Variants in TEKTIP1 observed in about 807,000 individuals in gnomAD.
The protein encoded by TEKTIP1 is tektin bundle-interacting protein 1.
the TEKTIP1 span, chr19:3,539,870 A>G: frequency 6.6e-6 from 1 of 152,386 alleles, no homozygotes; most frequent in Non-Finnish European, 1.5e-5. Context: ...AGTGTCTATT[A>G]TCAATTGTTT....
the TEKTIP1 span, chr19:3,542,036 C>T: frequency 1.5e-6 from 1 of 671,208 alleles, no homozygotes; most frequent in Non-Finnish European, 1.8e-6. Flanking sequence ...TCTCGAACTC[C>T]TGACCTCAGG....
At chr19:3,539,640 C>T in the TEKTIP1 span, 1 of 222,844 alleles carries the variant, frequency 4.5e-6, no homozygotes, top group South Asian at 1.4e-4. Context: ...CAACCCCAGG[C>T]ACTCCTTGGC....
At chr19:3,539,793 C>T in the TEKTIP1 span, 1 of 154,926 alleles carries the variant, frequency 6.5e-6, no homozygotes. Flanking sequence ...AAACCATTTC[C>T]AAACAAGGCC....
chr19:3,543,183 A>G, the TEKTIP1 span: 4 of 1,527,122 alleles, frequency 2.6e-6, no homozygotes, highest in Non-Finnish European at 3.5e-6. Context: ...CAAAGGGGTC[A>G]AAGCACTCGC....
At chr19:3,541,752 TG>T in the TEKTIP1 span, 1 of 985,324 alleles carries the variant, frequency 1.0e-6, no homozygotes, top group Non-Finnish European at 1.2e-6. Context: ...GAGTGGCAGG[TG>T]GGTACGGGGC....
At chr19:3,539,216 C>CCCCTCGGGGA in the TEKTIP1 span, 4,547 of 1,550,674 alleles carry the variant, frequency 2.9e-3, 117 homozygotes, top group African/African-American at 0.056. Flanking sequence ...GGCCCTGTAT[C>CCCCTCGGGGA]CCCTCGGGGA....
the TEKTIP1 span, chr19:3,543,942 G>A: frequency 1.3e-6 from 2 of 1,551,112 alleles, no homozygotes; most frequent in South Asian, 1.2e-5. Flanking sequence ...CCGGGAGTGG[G>A]TCCTGGAACC....
At chr19:3,539,922 G>A in the TEKTIP1 span, 2 of 152,130 alleles carry the variant, frequency 1.3e-5, no homozygotes, top group Admixed American at 6.6e-5. Context: ...AAAGAAGAGT[G>A]AAAGCCCTTT....
chr19:3,543,079 G>T, the TEKTIP1 span: 2 of 1,580,456 alleles, frequency 1.3e-6, no homozygotes, highest in South Asian at 2.3e-5. Flanking sequence ...CTGGGGTGAG[G>T]GGTACAGGGC....
chr19:3,543,483 C>CCG, the TEKTIP1 span: 2 of 1,500,448 alleles, frequency 1.3e-6, no homozygotes, highest in African/African-American at 2.8e-5. Context: ...GGTGAGTGCC[C>CCG]CCCCCCCCGC....
chr19:3,542,467 T>TTGAG, the TEKTIP1 span: 1 of 985,100 alleles, frequency 1.0e-6, no homozygotes, highest in African/African-American at 1.7e-5. Context: ...TAAAACATCT[T>TTGAG]TGAGTCTCTT....
At chr19:3,541,666 G>A in the TEKTIP1 span, 1 of 985,164 alleles carries the variant, frequency 1.0e-6, no homozygotes, top group African/African-American at 1.7e-5. Flanking sequence ...TGCAGTGAAT[G>A]GGCTCCCGCA....
At chr19:3,541,202 G>A in the TEKTIP1 span, among the ~76,000 whole-genome samples, 4 of 149,212 alleles carry the variant, frequency 2.7e-5, no homozygotes, top group East Asian at 2.0e-4. Context: ...CAGGCATGGC[G>A]GCACGTGCCT....
At chr19:3,543,871 C>A in the TEKTIP1 span, 1 of 1,549,584 alleles carries the variant, frequency 6.5e-7, no homozygotes, top group South Asian at 1.2e-5. Flanking sequence ...CTGTGGAGGG[C>A]ATCAGACTAC....
chr19:3,539,498 G>C, the TEKTIP1 span: 1 of 527,704 alleles, frequency 1.9e-6, no homozygotes, highest in Non-Finnish European at 3.4e-6. Context: ...CCGTCTCCAA[G>C]GACTGCAAAC....
At chr19:3,541,370 T>A in the TEKTIP1 span, among the ~76,000 whole-genome samples, 1 of 150,644 alleles carries the variant, frequency 6.6e-6, no homozygotes, top group Non-Finnish European at 1.5e-5. Context: ...TTGCCCAGGC[T>A]GGAGTGCAGT....
chr19:3,543,145 TC>T, the TEKTIP1 span: 1 of 1,513,026 alleles, frequency 6.6e-7, no homozygotes, highest in South Asian at 1.3e-5. Flanking sequence ...GGGCCAGGCC[TC>T]TACATCATCC....
the TEKTIP1 span, chr19:3,539,291 C>G: frequency 7.2e-7 from 1 of 1,390,360 alleles, no homozygotes; most frequent in Non-Finnish European, 9.9e-7. Context: ...GAGCCCCTCC[C>G]AGCCCCTCCC....
At chr19:3,543,851 G>C in the TEKTIP1 span, 12 of 1,545,706 alleles carry the variant, frequency 7.8e-6, no homozygotes, top group East Asian at 2.0e-4. Flanking sequence ...ACCGGTACGG[G>C]GTGGAGCCAC....
Sources: allele counts gnomAD v4.1 joint callset (sites outside exome capture counted in the v4.1 genomes callset), GRCh38; gene constraint gnomAD v4.1.1; transcripts MANE v1.5; gene names NCBI Gene and HGNC (gene_info 2026-07-23, HGNC 2026-07-21).